Variants in BANK1 observed in about 807,000 individuals in gnomAD.
BANK1 encodes B cell scaffold protein with ankyrin repeats 1, also known as B-cell scaffold protein with ankyrin repeats.
BANK1 carries 95 observed loss-of-function variants against 94.5 expected under a neutral mutation model. The ratio of observed to expected loss-of-function variants is 1.00; its 90% confidence interval spans 0.85 to 1.19. The LOEUF is 1.19. Among genes scored for constraint, BANK1 ranks in the 50% most tolerant of loss-of-function variants. BANK1 has a pLI of 0.00. For missense variants in BANK1, 987 were observed against 932.2 expected, an observed-to-expected ratio of 1.06 and a Z score of -0.77; for synonymous variants, 334 against 308.4, an observed-to-expected ratio of 1.08 and a Z score of -0.87.
chr4:101,899,134 G>A (rs1214367901), intron 6 of BANK1, among the ~76,000 whole-genome samples: 1 of 151,792 alleles, frequency 6.6e-6, no homozygotes, highest in Non-Finnish European at 1.5e-5. Flanking sequence ...AAAATCAGAA[G>A]CTGTGAAGAA....
intron 2 of BANK1, among the ~76,000 whole-genome samples, chr4:101,835,638 T>A (rs1399323182): frequency 3.9e-5 from 6 of 152,224 alleles, no homozygotes. Flanking sequence ...AGAAACAAAC[T>A]ATGCAGAAGC....
chr4:101,805,043 A>G (rs888330209), intron 1 of BANK1, among the ~76,000 whole-genome samples: 2 of 152,236 alleles, frequency 1.3e-5, no homozygotes, highest in African/African-American at 2.4e-5. Context: ...CACTATGTCA[A>G]TAATCATGTG....
chr4:102,044,270 G>A (rs1290210402), intron 11 of BANK1, among the ~76,000 whole-genome samples: 1 of 152,118 alleles, frequency 6.6e-6, no homozygotes, highest in Non-Finnish European at 1.5e-5. Flanking sequence ...CTATGAGTGA[G>A]AACATGCGGT....
At chr4:102,046,401 C>T (rs895159292) in intron 11 of BANK1, among the ~76,000 whole-genome samples, 3 of 151,942 alleles carry the variant, frequency 2.0e-5, no homozygotes, top group African/African-American at 7.3e-5. Context: ...CATGAAATAA[C>T]CTTATCAGAA....
At chr4:101,936,325 C>T (rs1266225841) in intron 7 of BANK1, among the ~76,000 whole-genome samples, 1 of 135,350 alleles carries the variant, frequency 7.4e-6, no homozygotes, top group Non-Finnish European at 1.6e-5. Flanking sequence ...ACATATGTAT[C>T]CATACATATA....
chr4:101,885,318 T>G lies in BANK1; in HGVS notation c.904-9987T>G, dbSNP rs115955292. On this transcript the variant is annotated intron_variant, in intron 5 of 16. Coordinates refer to ENST00000322953, the MANE Select transcript of BANK1 (RefSeq NM_017935.5). ...GAATTAAAATATTTGACATGAGCCA[T>G]GTAGCCCTGCAGAGACTGTCCCTTC... is the stretch of plus-strand genomic sequence containing the variant. Among the ~76,000 whole-genome samples the G allele has an allele frequency of 8.1e-3, 1,240 of 152,294 alleles. 16 individuals carry two copies. The highest frequency in any genetic ancestry group is 0.028 in the African/African-American group (1,177 of 41,560).
At chr4:101,899,798 G>A (rs189629097) in intron 6 of BANK1, among the ~76,000 whole-genome samples, 1 of 152,282 alleles carries the variant, frequency 6.6e-6, no homozygotes, top group Non-Finnish European at 1.5e-5. Flanking sequence ...CCCAGACAAG[G>A]AATTACCTCT....
At chr4:101,794,333 C>A (rs1725085022) in intron 1 of BANK1, among the ~76,000 whole-genome samples, 1 of 151,976 alleles carries the variant, frequency 6.6e-6, no homozygotes, top group Admixed American at 6.6e-5. Context: ...ATATTTACTA[C>A]TGGGTTAAAA....
At chr4:101,991,259 T>C (rs1396805891) in intron 7 of BANK1, among the ~76,000 whole-genome samples, 1 of 152,154 alleles carries the variant, frequency 6.6e-6, no homozygotes, top group Non-Finnish European at 1.5e-5. Flanking sequence ...TAAGAACCCT[T>C]CTCATTTAGA....
chr4:102,000,700 A>T (rs1241348422), intron 7 of BANK1, among the ~76,000 whole-genome samples: 3 of 152,228 alleles, frequency 2.0e-5, no homozygotes, highest in Non-Finnish European at 4.4e-5. Context: ...CAATGTAGTA[A>T]TGGAGGTGGC....
chr4:101,943,336 C>T (rs13106011), intron 7 of BANK1, among the ~76,000 whole-genome samples: 10,175 of 151,938 alleles, frequency 0.067, 591 homozygotes, highest in East Asian at 0.19. Flanking sequence ...GGATGGAGAA[C>T]GTTGTCAGGG....
At chr4:102,072,280 C>T (rs1728784713) in intron 14 of BANK1, 65 bp from the exon 15 acceptor site, 1 of 1,268,256 alleles carries the variant, frequency 7.9e-7, no homozygotes. Context: ...TTAAGAAGTA[C>T]TGAATAAATA....
chr4:101,905,546 A>G (rs548210380), intron 6 of BANK1, among the ~76,000 whole-genome samples: 1 of 152,086 alleles, frequency 6.6e-6, no homozygotes, highest in South Asian at 2.1e-4. Flanking sequence ...TTTTTTCCCT[A>G]TCTGGCGGCC....
chr4:101,952,267 A>G (rs940294983), intron 7 of BANK1, among the ~76,000 whole-genome samples: 3 of 151,738 alleles, frequency 2.0e-5, no homozygotes, highest in Admixed American at 1.3e-4. Context: ...TGGCTTGGTT[A>G]TATGTTTTTT....
At chr4:101,936,338 T>A (rs1391071718) in intron 7 of BANK1, among the ~76,000 whole-genome samples, 1 of 150,198 alleles carries the variant, frequency 6.7e-6, no homozygotes, top group Non-Finnish European at 1.5e-5. Flanking sequence ...TACATATATA[T>A]GTACATATAC....
chr4:102,029,849 C>T, intron 9 of BANK1, 111 bp from the exon 10 acceptor site: 1 of 942,556 alleles, frequency 1.1e-6, no homozygotes, highest in Non-Finnish European at 1.6e-6. Flanking sequence ...AATACTGTTT[C>T]CTACGGCACT....
In BANK1 at chr4:102,030,191, A is replaced by G; in HGVS notation, c.1826A>G (p.Asn609Ser). ...KKTGSRSFII[N>S]RPPAPTPRPT... Reference sequence around the variant, plus strand: ...ACTGGGAGTCGGTCTTTCATTATAAATAGACCTCCTGCCCCCACACCCCGA... The same window carrying G: ...ACTGGGAGTCGGTCTTTCATTATAAGTAGACCTCCTGCCCCCACACCCCGA... Residue 609 changes from asparagine (N) to serine (S), a missense_variant, in exon 10 of 17, where the codon AAT becomes AGT. Transcript: ENST00000322953. 1 of 1,613,990 alleles carries G rather than the reference A, an allele frequency of 6.2e-7. No individual in the cohort carries two copies. Among genetic ancestry groups the G allele is most frequent in the African/African-American group, 1.3e-5 (1 of 75,022 alleles).
At chr4:101,881,879 C>T (rs764482384) in intron 5 of BANK1, among the ~76,000 whole-genome samples, 23 of 151,256 alleles carry the variant, frequency 1.5e-4, no homozygotes, top group Middle Eastern at 3.4e-3. Context: ...AACAATTGAA[C>T]TCATGGAGCT....
chr4:101,925,374 A>G (rs576301237), intron 7 of BANK1, among the ~76,000 whole-genome samples: 103 of 151,814 alleles, frequency 6.8e-4, no homozygotes, highest in Non-Finnish European at 1.3e-3. Flanking sequence ...TATGAATGCA[A>G]TCATGGTATA....
Sources: gnomAD v4.1 joint callset for allele counts (sites outside exome capture counted in the v4.1 genomes callset) on GRCh38, gnomAD v4.1.1 for gene constraint, MANE v1.5 for transcripts, NCBI Gene and HGNC (gene_info 2026-07-23, HGNC 2026-07-21) for gene names.